The following TRMT1L variants were observed in gnomAD, a reference collection of about 807,000 sequenced individuals.
The protein encoded by TRMT1L is tRNA (guanine(27)-N(2))-dimethyltransferase.
In TRMT1L, 28 loss-of-function variants were observed where a neutral mutation model predicts 81.6. That is an observed-to-expected ratio of 0.34 (90% CI 0.25 to 0.47). The LOEUF is 0.47. Among genes scored for constraint, TRMT1L ranks in the 20% least tolerant of loss-of-function variants. The pLI, the probability that TRMT1L is intolerant of heterozygous loss-of-function variation, is 1.00. For missense variants in TRMT1L, 739 were observed against 877.1 expected, an observed-to-expected ratio of 0.84 and a Z score of 1.99; for synonymous variants, 301 against 303.2, an observed-to-expected ratio of 0.99 and a Z score of 0.07.
chr1:185,155,151 A>G (rs1023681632), intron 1 of TRMT1L, among the ~76,000 whole-genome samples: 2 of 152,226 alleles, frequency 1.3e-5, no homozygotes, highest in East Asian at 1.9e-4. Context: ...TTCAAATTAC[A>G]TATTTGTAAA....
chr1:185,127,117 G>C (rs906301736), intron 11 of TRMT1L, among the ~76,000 whole-genome samples: 3 of 152,340 alleles, frequency 2.0e-5, no homozygotes, highest in Non-Finnish European at 2.9e-5. Context: ...CTGTGCCATA[G>C]TTTCCTCATG....
chr1:185,123,459 G>A (rs1292396406), intron 13 of TRMT1L, among the ~76,000 whole-genome samples: 2 of 151,978 alleles, frequency 1.3e-5, no homozygotes, highest in Non-Finnish European at 2.9e-5. Flanking sequence ...AATTCTTTTG[G>A]CTGAAGAATG....
chr1:185,124,728 T>A, intron 12 of TRMT1L: 1 of 312,548 alleles, frequency 3.2e-6, no homozygotes, highest in Non-Finnish European at 5.7e-6. Flanking sequence ...ACAACACTAT[T>A]CATCATTCAC....
chr1:185,152,499 G>A (rs1402030522), intron 1 of TRMT1L, among the ~76,000 whole-genome samples: 4 of 152,322 alleles, frequency 2.6e-5, no homozygotes, highest in South Asian at 2.1e-4. Flanking sequence ...TAAATTCTAC[G>A]CAAGTTAGTT....
intron 10 of TRMT1L, 105 bp downstream of exon 10, chr1:185,137,501 T>G: frequency 8.6e-7 from 1 of 1,168,596 alleles, no homozygotes; most frequent in South Asian, 1.2e-5. Context: ...AAGTTAGCAC[T>G]GTAATCTTTA....
At position 185,125,033 on chromosome 1, in the gene TRMT1L, T is replaced by C; in HGVS notation, c.1670A>G (p.Gln557Arg). The C allele has an allele frequency of 6.2e-7, 1 of 1,613,332 alleles. No individual in the cohort carries two copies. The highest frequency in any genetic ancestry group is 8.5e-7 in the Non-Finnish European group (1 of 1,179,548). Residue 557 changes from glutamine to arginine, a missense_variant, in exon 12 of 15, where the codon CAG (glutamine) becomes CGG (arginine). Transcript: ENST00000367506. ...AAAGATTAATGTCTTTATTAGGGTC[T>C]GAATGTCATCCAAACCATGGTGAAG... ...ESLHHGLDDI[Q>R]TLIKTLIFES...
chr1:185,151,696 CTG>C, intron 2 of TRMT1L, 127 bp downstream of exon 2: 1 of 514,272 alleles, frequency 1.9e-6, no homozygotes, highest in Non-Finnish European at 3.2e-6. Flanking sequence ...GAATAAAAAA[CTG>C]TATTTTACCA....
upstream of TRMT1L, chr1:185,157,287 A>T (rs1158651234): frequency 2.6e-5 from 4 of 152,614 alleles, no homozygotes; most frequent in African/African-American, 9.7e-5. Flanking sequence ...GGGGCTCCGG[A>T]GTTGCCACTG....
At chr1:185,155,550 T>C (rs1401777518) in intron 1 of TRMT1L, among the ~76,000 whole-genome samples, 4 of 152,222 alleles carry the variant, frequency 2.6e-5, no homozygotes, top group African/African-American at 9.6e-5. Context: ...CTTTTATAAA[T>C]ATTAAACTCA....
chr1:185,132,023 C>A (rs1303379625), intron 10 of TRMT1L, among the ~76,000 whole-genome samples: 3 of 151,766 alleles, frequency 2.0e-5, no homozygotes, highest in Non-Finnish European at 4.4e-5. Flanking sequence ...GGCCTGCAGT[C>A]CCAGCTACTC....
At chr1:185,139,789 C>T (rs1292315064) in intron 8 of TRMT1L, among the ~76,000 whole-genome samples, 184 bp downstream of exon 8, 1 of 152,206 alleles carries the variant, frequency 6.6e-6, no homozygotes, top group Non-Finnish European at 1.5e-5. Context: ...GGAAAAGTCA[C>T]ATGCCCAGGC....
intron 3 of TRMT1L, 29 bp downstream of exon 3, chr1:185,150,350 T>C: frequency 1.4e-6 from 2 of 1,475,860 alleles, no homozygotes; most frequent in East Asian, 2.3e-5. Context: ...TCATATATAT[T>C]ACTTCTTTGC....
rs148562708 is a variant in TRMT1L, at chr1:185,124,592, G to A, written c.1759+352C>T. Among the ~76,000 whole-genome samples the A allele has an allele frequency of 4.6e-3, 703 of 151,976 alleles. 3 individuals carry two copies. Among genetic ancestry groups the A allele is most frequent in the Middle Eastern group, 0.014 (4 of 294 alleles). ...TGGTCCCAGCTACACAGGAGGTTGA[G>A]GCTGAGGCAAGAGGACTGCCTGAGT... On this transcript the variant is annotated intron_variant, in intron 12 of 14. Transcript: ENST00000367506.
At chr1:185,146,252 T>G (rs146741213) in intron 4 of TRMT1L, among the ~76,000 whole-genome samples, 6 of 152,034 alleles carry the variant, frequency 3.9e-5, no homozygotes, top group Non-Finnish European at 7.4e-5. Flanking sequence ...TTCTGGAAAT[T>G]TGAGCCAGCT....
chr1:185,134,429 C>T (rs1217989932), intron 10 of TRMT1L, among the ~76,000 whole-genome samples: 7 of 152,176 alleles, frequency 4.6e-5, no homozygotes, highest in African/African-American at 1.7e-4. Flanking sequence ...TCAGGTGGTC[C>T]GTCCGCCTCA....
chr1:185,156,692 C>T lies in TRMT1L; in HGVS notation c.21G>A (p.Glu7=). The change falls in exon 1 of 15, where the codon GAG becomes GAA. Residue 7 remains glutamate (E), a synonymous_variant. Coordinates refer to ENST00000367506, the MANE Select transcript of TRMT1L (RefSeq NM_030934.5). MENMAE[E]ELLPLEKEEV... is the part of the protein sequence containing the mutation. ...CCTCCTTCTCCAGGGGCAGCAGCTC[C>T]TCCTCCGCCATATTCTCCATAGTTA... The T allele has an allele frequency of 1.9e-6, 3 of 1,612,648 alleles. No individual in the cohort carries two copies. Among genetic ancestry groups the T allele is most frequent in the Non-Finnish European group, 2.5e-6 (3 of 1,179,828 alleles).
chr1:185,120,483 TG>T lies in TRMT1L; in HGVS notation c.1848del (p.Thr617GlnfsTer3). 6.3e-7 allele frequency: 1 copy of T among 1,595,974 alleles called. No individual in the cohort carries two copies. The highest frequency in any genetic ancestry group is 1.2e-5 in the South Asian group (1 of 86,656). On this transcript the variant is annotated frameshift_variant, in exon 14 of 15. Coordinates refer to ENST00000367506, the MANE Select transcript of TRMT1L (RefSeq NM_030934.5). LOFTEE classifies it high-confidence loss of function. ...AQGKRKSNEM[I>X]TNLGKKQKTD... ...GTCTTTTGCTTCTTGCCTAAATTTG[TG>T]ATCATTTCATTACTTTTTCTCTTTC...
intron 13 of TRMT1L, among the ~76,000 whole-genome samples, chr1:185,122,195 C>G (rs1652516715): frequency 1.3e-5 from 2 of 152,088 alleles, no homozygotes; most frequent in Non-Finnish European, 2.9e-5. Context: ...ATGATGGGCA[C>G]CTAGGTTGAT....
At chr1:185,154,704 G>T (rs549816418) in intron 1 of TRMT1L, among the ~76,000 whole-genome samples, 1 of 152,280 alleles carries the variant, frequency 6.6e-6, no homozygotes, top group South Asian at 2.1e-4. Context: ...AAATCCTGTG[G>T]TCTACTACTG....
Sources: allele counts gnomAD v4.1 joint callset (sites outside exome capture counted in the v4.1 genomes callset), GRCh38; gene constraint gnomAD v4.1.1; transcripts MANE v1.5; gene names NCBI Gene and HGNC (gene_info 2026-07-23, HGNC 2026-07-21).